Variants in ADAM2 observed in about 807,000 individuals in gnomAD.
ADAM2 encodes the protein disintegrin and metalloproteinase domain-containing protein 2.
ADAM2 carries 101 observed loss-of-function variants against 99.3 expected under a neutral mutation model. That is an observed-to-expected ratio of 1.02 (90% CI 0.87 to 1.20). ADAM2 has a LOEUF of 1.20. Among genes scored for constraint, ADAM2 ranks in the 50% most tolerant of loss-of-function variants. The pLI is 0.00. For synonymous variants in ADAM2, 323 were observed against 287.6 expected, an observed-to-expected ratio of 1.12 and a Z score of -1.25; for missense variants, 948 against 878.7, an observed-to-expected ratio of 1.08 and a Z score of -1.00.
intron 10 of ADAM2, among the ~76,000 whole-genome samples, chr8:39,779,356 G>A (rs1308342900): frequency 2.0e-5 from 3 of 151,978 alleles, no homozygotes; most frequent in Non-Finnish European, 4.4e-5. Context: ...CCTCTTCTAT[G>A]GACAGCAGTC....
chr8:39,798,143 T>C (rs1306422958), intron 7 of ADAM2, among the ~76,000 whole-genome samples: 8 of 152,242 alleles, frequency 5.3e-5, no homozygotes, highest in Non-Finnish European at 1.0e-4. Flanking sequence ...GCTTTCAGTT[T>C]TTGCCCATTC....
At chr8:39,755,146 CTG>C (rs1802097922) in intron 16 of ADAM2, among the ~76,000 whole-genome samples, 1 of 151,972 alleles carries the variant, frequency 6.6e-6, no homozygotes, top group Middle Eastern at 3.2e-3. Context: ...GATGTATTCT[CTG>C]TGTGATATGA....
In ADAM2 at chr8:39,767,039, A is replaced by G. The variant is rs1380684726; in HGVS notation, c.1316T>C (p.Met439Thr). Residue 439 changes from methionine (M) to threonine (T), a missense_variant, in exon 14 of 21, where the codon ATG becomes ACG. Met to Thr is a moderately conservative substitution (Grantham distance 81). Coordinates refer to ENST00000265708, the MANE Select transcript of ADAM2 (RefSeq NM_001464.5). Reference protein sequence around the residue: ...EGPCCENCLFMSKERMCRPSF... With the variant: ...EGPCCENCLFTSKERMCRPSF... ...AGGCCTACACATTCTTTCTTTTGAC[A>G]TAAACTGATGGGATGAGGTAAATGA... 6.2e-7 allele frequency: 1 copy of G among 1,613,426 alleles called. No homozygotes were observed. Among genetic ancestry groups the G allele is most frequent in the African/African-American group, 1.3e-5 (1 of 74,932 alleles).
At chr8:39,810,704 A>C in intron 6 of ADAM2, among the ~76,000 whole-genome samples, 1 of 152,216 alleles carries the variant, frequency 6.6e-6, no homozygotes, top group Non-Finnish European at 1.5e-5. Context: ...TAACGAAATG[A>C]AGGCAGAAAT....
At position 39,767,341 on chromosome 8, in the gene ADAM2, T is replaced by C. The variant is rs114711143; in HGVS notation, c.1213-90A>G. Reference sequence around the variant, plus strand: ...CATAAAGACAACATATTATATAACATACACATAGGTGCTTAACTTACATGT... The same window carrying C: ...CATAAAGACAACATATTATATAACACACACATAGGTGCTTAACTTACATGT... On this transcript the variant is annotated intron_variant, in intron 12 of 20. Transcript: ENST00000265708. 7.2e-4 allele frequency: 767 copies of C among 1,067,178 alleles called. 8 individuals are homozygous for C. In the African/African-American group the frequency reaches 0.011, roughly 15 times the overall value. 66.1% of individuals were successfully genotyped at this position (1,067,178 alleles called of 1,614,324 possible).
intron 10 of ADAM2, among the ~76,000 whole-genome samples, chr8:39,783,088 A>G (rs1363430900): frequency 1.3e-5 from 2 of 152,146 alleles, no homozygotes; most frequent in South Asian, 2.1e-4. Flanking sequence ...TTAGCTCAAA[A>G]TGAGTTATCT....
intron 7 of ADAM2, among the ~76,000 whole-genome samples, chr8:39,801,613 G>T (rs1804214585): frequency 6.6e-6 from 1 of 152,160 alleles, no homozygotes; most frequent in Non-Finnish European, 1.5e-5. Flanking sequence ...GAACTACCAG[G>T]AGGAGAGGCT....
In ADAM2 at chr8:39,821,020, A is replaced by G. The variant is rs200992362; in HGVS notation, c.495T>C (p.Phe165=). Residue 165 remains phenylalanine, a synonymous_variant, in exon 6 of 21, where the codon TTT becomes TTC. Coordinates refer to ENST00000265708, the MANE Select transcript of ADAM2 (RefSeq NM_001464.5). ...CACCTACCTCTACGCTTTGTAATTT[A>G]AAGGACAGATCTCTTGATTCAATAT... ...EKDIESRDLS[F]KLQSVEPQQD... The G allele has an allele frequency of 3.6e-5, 57 of 1,596,436 alleles. No individual in the cohort carries two copies. Among genetic ancestry groups the G allele is most frequent in the Non-Finnish European group, 4.8e-5 (56 of 1,169,750 alleles).
In ADAM2 at chr8:39,785,933, T is replaced by C. The variant is rs540597509; in HGVS notation, c.891+1041A>G. 6.2e-4 allele frequency among the ~76,000 whole-genome samples: 94 copies of C among 152,038 alleles called. 1 individual carries two copies. Among genetic ancestry groups the C allele is most frequent in the African/African-American group, 2.1e-3 (87 of 41,440 alleles). On this transcript the variant is annotated intron_variant, in intron 10 of 20. Coordinates refer to ENST00000265708, the MANE Select transcript of ADAM2 (RefSeq NM_001464.5). Reference sequence around the variant, plus strand: ...AGCCTAAGTGTCCGTAAATGGTGGATCGGATAAAGAAAATGTGATACATAT... The same window carrying C: ...AGCCTAAGTGTCCGTAAATGGTGGACCGGATAAAGAAAATGTGATACATAT...
At chr8:39,747,110 C>A (rs1159621721) in intron 18 of ADAM2, among the ~76,000 whole-genome samples, 2 of 151,096 alleles carry the variant, frequency 1.3e-5, no homozygotes, top group East Asian at 4.0e-4. Context: ...AAATCATAAA[C>A]CCACAGATTA....
rs147806038 is a variant in ADAM2 at position 39,828,438 on chromosome 8, A to T, written c.189-3541T>A. ...TAAAAGAAGAGTAAAAGAATGTATA[A>T]CAAATAATTTAATTGAGGAATAATG... On this transcript the variant is annotated intron_variant, in intron 3 of 20. Transcript: ENST00000265708. 5.4e-3 allele frequency among the ~76,000 whole-genome samples: 819 copies of T among 152,030 alleles called. 4 individuals are homozygous for T. The highest frequency in any genetic ancestry group is 8.8e-3 in the Non-Finnish European group (594 of 67,794).
chr8:39,775,110 C>A (rs1380886534), intron 11 of ADAM2, among the ~76,000 whole-genome samples: 1 of 152,004 alleles, frequency 6.6e-6, no homozygotes, highest in Non-Finnish European at 1.5e-5. Context: ...CAGAATTTTC[C>A]CTAGTTGGTC....
At chr8:39,777,287 T>A in intron 10 of ADAM2, 126 bp from the exon 11 acceptor site, 1 of 659,578 alleles carries the variant, frequency 1.5e-6, no homozygotes, top group East Asian at 2.8e-5. Context: ...AGTGCCATCC[T>A]TGTTGGTCTA....
intron 15 of ADAM2, among the ~76,000 whole-genome samples, chr8:39,759,278 A>G (rs1217988678): frequency 1.3e-5 from 2 of 152,156 alleles, no homozygotes; most frequent in Non-Finnish European, 2.9e-5. Flanking sequence ...TCACTTACAC[A>G]TAATTATGAA....
chr8:39,797,010 CTG>C (rs1329149812), intron 7 of ADAM2, among the ~76,000 whole-genome samples: 2 of 152,114 alleles, frequency 1.3e-5, no homozygotes, highest in Non-Finnish European at 2.9e-5. Flanking sequence ...CCTGTTCACT[CTG>C]ATGATAGTTT....
intron 12 of ADAM2, among the ~76,000 whole-genome samples, chr8:39,767,842 T>G (rs1311520771): frequency 1.3e-5 from 2 of 151,878 alleles, no homozygotes; most frequent in Non-Finnish European, 2.9e-5. Flanking sequence ...TTTTAAAACT[T>G]CTATTACTAA....
At chr8:39,822,710 C>G (rs1055556920) in intron 4 of ADAM2, among the ~76,000 whole-genome samples, 1 of 150,676 alleles carries the variant, frequency 6.6e-6, no homozygotes, top group African/African-American at 2.4e-5. Context: ...TCATTTCCGT[C>G]AATTATGCCT....
At chr8:39,767,896 TCACACACA>T (rs57655234) in intron 12 of ADAM2, among the ~76,000 whole-genome samples, 1 of 147,782 alleles carries the variant, frequency 6.8e-6, no homozygotes, top group African/African-American at 2.5e-5. Flanking sequence ...GACAATGCAT[TCACACACA>T]CACACACACA....
chr8:39,788,423 A>T (rs544325080), intron 8 of ADAM2, among the ~76,000 whole-genome samples, 172 bp from the exon 9 acceptor site: 1 of 151,820 alleles, frequency 6.6e-6, no homozygotes, highest in African/African-American at 2.4e-5. Flanking sequence ...TAAAAGTAAT[A>T]CTTGAGATTT....
Sources: allele counts gnomAD v4.1 joint callset (sites outside exome capture counted in the v4.1 genomes callset), GRCh38; gene constraint gnomAD v4.1.1; transcripts MANE v1.5; gene names NCBI Gene and HGNC (gene_info 2026-07-23, HGNC 2026-07-21).